PPP2R2C: variants seen among roughly 807,000 people sequenced by gnomAD.
The protein encoded by PPP2R2C is protein phosphatase 2 regulatory subunit Bgamma.
In PPP2R2C, 10 loss-of-function variants were observed where a neutral mutation model predicts 45.3. That is an observed-to-expected ratio of 0.22 (90% confidence interval 0.14 to 0.37). PPP2R2C has a LOEUF of 0.37. Among genes scored for constraint, PPP2R2C ranks in the 10% least tolerant of loss-of-function variants. PPP2R2C has a pLI of 1.00. For synonymous variants in PPP2R2C, 257 were observed against 245.4 expected (o/e 1.05, Z -0.44); for missense variants, 308 against 619.7 (o/e 0.50, Z 5.34).
intron 2 of PPP2R2C, among the ~76,000 whole-genome samples, chr4:6,517,942 G>A (rs772643902): frequency 3.3e-4 from 50 of 152,212 alleles, no homozygotes; most frequent in Non-Finnish European, 5.9e-4. Flanking sequence ...GGTGAGGCCA[G>A]AAAATCTGTC....
intron 1 of PPP2R2C, among the ~76,000 whole-genome samples, chr4:6,441,796 T>C (rs992524979): frequency 3.3e-5 from 5 of 152,190 alleles, no homozygotes; most frequent in Admixed American, 6.5e-5. Flanking sequence ...ATGGCCCCAC[T>C]CTTCACTGTG....
intron 1 of PPP2R2C, among the ~76,000 whole-genome samples, chr4:6,462,080 G>A (rs1577201323): frequency 2.6e-5 from 4 of 152,366 alleles, no homozygotes; most frequent in African/African-American, 9.6e-5. Context: ...AGTGGCGAGG[G>A]CACCACTCTG....
intron 1 of PPP2R2C, among the ~76,000 whole-genome samples, chr4:6,537,741 G>A (rs778201537): frequency 9.9e-5 from 15 of 152,006 alleles, no homozygotes; most frequent in African/African-American, 2.7e-4. Flanking sequence ...TAGAAGAGAC[G>A]GGGTTTCACT....
chr4:6,346,891 C>A (rs1219561765), intron 6 of PPP2R2C, among the ~76,000 whole-genome samples: 1 of 152,214 alleles, frequency 6.6e-6, no homozygotes, highest in Admixed American at 6.5e-5. Context: ...TTTCCAGACA[C>A]TGTGGTAGGT....
At position 6,321,463 on chromosome 4, in the gene PPP2R2C, TAAAC is replaced by T. The variant is rs1731547920; in HGVS notation, c.*1835_*1838del. 1 of 152,560 alleles carries T rather than the reference TAAAC, an allele frequency of 6.6e-6. No homozygotes were observed. The highest frequency in any genetic ancestry group is 1.5e-5 in the Non-Finnish European group (1 of 68,036). 9.5% of individuals were successfully genotyped at this position (152,560 alleles called of 1,614,324 possible). A position where few individuals can be genotyped will look rare whatever the true frequency, so the allele number is the denominator to read the frequency against. ...GTCAACTGGATTTTATAGTGATATA[TAAAC>T]AAACATTCTTCATTCACGTTGATTA... On this transcript the variant is annotated 3_prime_UTR_variant, in exon 9 of 9. Coordinates refer to ENST00000382599, the MANE Select transcript of PPP2R2C (RefSeq NM_020416.4).
At chr4:6,483,969 T>A (rs1722452919) in intron 2 of PPP2R2C, among the ~76,000 whole-genome samples, 1 of 152,084 alleles carries the variant, frequency 6.6e-6, no homozygotes, top group Admixed American at 6.5e-5. Flanking sequence ...TACAGCCATA[T>A]CTATTCATGT....
chr4:6,404,089 T>C (rs1717629062), intron 1 of PPP2R2C, among the ~76,000 whole-genome samples: 2 of 152,104 alleles, frequency 1.3e-5, no homozygotes, highest in Non-Finnish European at 2.9e-5. Context: ...TCAGCATTTG[T>C]TCCCACCAGG....
chr4:6,359,558 A>T (rs888371928), intron 5 of PPP2R2C, among the ~76,000 whole-genome samples: 6 of 152,166 alleles, frequency 3.9e-5, no homozygotes, highest in African/African-American at 1.4e-4. Context: ...ATATTTAGTT[A>T]AATACATTTT....
chr4:6,477,789 T>C (rs1722215180), intron 2 of PPP2R2C, among the ~76,000 whole-genome samples: 1 of 148,860 alleles, frequency 6.7e-6, no homozygotes, highest in South Asian at 2.1e-4. Context: ...GCACTTAGGA[T>C]GCACTGGAGT....
intron 8 of PPP2R2C, among the ~76,000 whole-genome samples, chr4:6,325,583 G>A (rs13112194): frequency 0.062 from 9,461 of 152,218 alleles, 387 homozygotes; most frequent in South Asian, 0.11. Context: ...GAAGGAGAGC[G>A]ACATAATTAA....
In PPP2R2C at chr4:6,360,109, T is replaced by C. The variant is rs1407683121; in HGVS notation, c.626-12099A>G. Among the ~76,000 whole-genome samples the C allele has an allele frequency of 3.9e-5, 6 of 152,172 alleles. No homozygotes were observed. In the South Asian group the frequency reaches 1.0e-3, roughly 26 times the overall value. On this transcript the variant is annotated intron_variant, in intron 5 of 8. Coordinates refer to ENST00000382599, the MANE Select transcript of PPP2R2C (RefSeq NM_020416.4). ...CCATGCCTAGCACAGACCAGTCAAA[T>C]AGTCCACCCCTGCAGGCAGGAACTG...
rs554810616 is a variant in PPP2R2C at position 6,547,758 on chromosome 4, T to C, written c.-58-12381A>G. Among the ~76,000 whole-genome samples the C allele has an allele frequency of 1.5e-4, 23 of 152,194 alleles. 1 individual carries two copies. In the East Asian group the frequency reaches 4.3e-3, roughly 28 times the overall value. On this transcript the variant is annotated intron_variant, in intron 1 of 9. Coordinates refer to the PPP2R2C transcript ENST00000506140. ...TGGTGCTGAAACAACCGGACATCCA[T>C]ATGCAAAAACGCAACGGGACACAGG...
rs1031884363 is a variant in PPP2R2C at position 6,350,052 on chromosome 4, T to G, written c.626-2042A>C. 3.0e-6 allele frequency: 3 copies of G among 985,164 alleles called. No homozygotes were observed. In the African/African-American group the frequency reaches 5.2e-5, roughly 17 times the overall value. 61.0% of individuals were successfully genotyped at this position (985,164 alleles called of 1,614,324 possible). ...CGGAAGCACGTCATTAACCACAAACTGAGAATCACATAAAAATAGAAAGAG... is the reference window on the plus strand; with the variant it reads ...CGGAAGCACGTCATTAACCACAAACGGAGAATCACATAAAAATAGAAAGAG... On this transcript the variant is annotated intron_variant, in intron 5 of 8. Transcript: ENST00000382599.
chr4:6,376,900 C>T (rs1040410441), intron 3 of PPP2R2C, among the ~76,000 whole-genome samples: 38 of 152,166 alleles, frequency 2.5e-4, no homozygotes, highest in African/African-American at 8.7e-4. Flanking sequence ...CCTTAGGGGA[C>T]ACAGATCCTG....
intron 6 of PPP2R2C, among the ~76,000 whole-genome samples, chr4:6,344,722 T>C (rs1433876782): frequency 1.3e-5 from 2 of 152,232 alleles, no homozygotes; most frequent in African/African-American, 2.4e-5. Flanking sequence ...ACTTAGTGTA[T>C]TTCTTTCCAG....
At chr4:6,348,627 CAGACCCCAGGACTT>C (rs1712235027) in intron 5 of PPP2R2C, 1 of 984,882 alleles carries the variant, frequency 1.0e-6, no homozygotes, top group African/African-American at 1.7e-5. Context: ...CTGTGCTCTC[CAGACCCCAGGACTT>C]GGAATACTGA....
intron 4 of PPP2R2C, among the ~76,000 whole-genome samples, chr4:6,374,555 G>T (rs1003137011): frequency 6.6e-6 from 1 of 152,224 alleles, no homozygotes; most frequent in Non-Finnish European, 1.5e-5. Context: ...GCGCAGAAAG[G>T]CTTTACAGAG....
intron 2 of PPP2R2C, among the ~76,000 whole-genome samples, chr4:6,531,819 T>C (rs1416504790): frequency 1.3e-5 from 2 of 152,070 alleles, no homozygotes; most frequent in Admixed American, 6.5e-5. Flanking sequence ...GAGTGAGCTG[T>C]GATTAAAATG....
chr4:6,476,616 G>A (rs533964851), upstream of PPP2R2C, among the ~76,000 whole-genome samples: 54 of 152,244 alleles, frequency 3.5e-4, no homozygotes, highest in African/African-American at 1.0e-3. Context: ...GGTTTATGCC[G>A]TCCAGGCTAC....
Sources: allele counts gnomAD v4.1 joint callset (sites outside exome capture counted in the v4.1 genomes callset), GRCh38; gene constraint gnomAD v4.1.1; transcripts MANE v1.5; gene names NCBI Gene and HGNC (gene_info 2026-07-23, HGNC 2026-07-21).